The following SEC24D variants were observed in gnomAD, a reference collection of about 807,000 sequenced individuals.
SEC24D encodes SEC24 homolog D, COPII component.
A neutral mutation model predicts 116.9 loss-of-function variants in SEC24D; 69 were observed. The observed-to-expected ratio is 0.59, with a 90% CI of 0.49 to 0.72. The LOEUF (loss-of-function observed/expected upper bound fraction) is 0.72, where lower values mean the gene tolerates loss of function less well. SEC24D is among the 30% of genes least tolerant of loss of function. The probability of loss-of-function intolerance (pLI) is 0.00; values close to 1 mark genes in which losing one functional copy is unlikely to be tolerated. For missense variants in SEC24D, 1,131 were observed against 1,264.1 expected (o/e 0.89, Z 1.60); for synonymous variants, 405 against 442.8 (o/e 0.91, Z 1.07).
intron 15 of SEC24D, among the ~76,000 whole-genome samples, chr4:118,743,657 G>A (rs2110445352): frequency 6.6e-6 from 1 of 152,194 alleles, no homozygotes; most frequent in African/African-American, 2.4e-5. Flanking sequence ...GGGCCACTGT[G>A]CCCTGCCTAT....
intron 11 of SEC24D, among the ~76,000 whole-genome samples, chr4:118,753,401 T>C (rs1012736303): frequency 6.6e-6 from 1 of 152,044 alleles, no homozygotes; most frequent in Admixed American, 6.6e-5. Context: ...CAACAGAAAA[T>C]AGGCTAGATT....
intron 10 of SEC24D, among the ~76,000 whole-genome samples, chr4:118,763,430 G>A (rs950486580): frequency 1.3e-4 from 20 of 152,254 alleles, no homozygotes; most frequent in South Asian, 6.2e-4. Flanking sequence ...ATGACTGCTC[G>A]CCTTGCAAAC....
intron 3 of SEC24D, among the ~76,000 whole-genome samples, chr4:118,823,296 T>C (rs114768988): frequency 0.044 from 6,656 of 152,268 alleles, 201 homozygotes; most frequent in Non-Finnish European, 0.064. Context: ...GCAAATGTCA[T>C]GTTATCATGA....
intron 3 of SEC24D, among the ~76,000 whole-genome samples, chr4:118,823,242 C>T (rs1366415867): frequency 6.6e-6 from 1 of 152,188 alleles, no homozygotes; most frequent in East Asian, 1.9e-4. Flanking sequence ...CACAATCACG[C>T]TTAATGACCT....
chr4:118,822,047 T>A (rs576523403), intron 3 of SEC24D, among the ~76,000 whole-genome samples: 1 of 152,262 alleles, frequency 6.6e-6, no homozygotes, highest in East Asian at 1.9e-4. Context: ...CTGTCATGAG[T>A]AACTAGATTG....
intron 10 of SEC24D, among the ~76,000 whole-genome samples, chr4:118,763,425 T>A (rs1335486871): frequency 6.6e-6 from 1 of 152,204 alleles, no homozygotes; most frequent in African/African-American, 2.4e-5. Flanking sequence ...AATACATGAC[T>A]GCTCGCCTTG....
Position 118,792,321 on chromosome 4 carries a change from G to T in SEC24D, c.1041+5362C>A, listed in dbSNP as rs565602687. ...TGCCCCGTCCGGGAGGTGGGGGGGCGCCTCTGCCCGGCCACCCTGTCTAGG... is the reference window on the plus strand; with the variant it reads ...TGCCCCGTCCGGGAGGTGGGGGGGCTCCTCTGCCCGGCCACCCTGTCTAGG... On this transcript the variant is annotated intron_variant, in intron 8 of 22. Coordinates refer to ENST00000280551, the MANE Select transcript of SEC24D (RefSeq NM_014822.4). Among the ~76,000 whole-genome samples, 19 of 150,184 alleles carry T rather than the reference G, an allele frequency of 1.3e-4. No individual in the cohort carries two copies. In the South Asian group the frequency reaches 4.0e-3, roughly 32 times the overall value.
chr4:118,832,172 T>G (rs1477630786), intron 2 of SEC24D, among the ~76,000 whole-genome samples: 3 of 151,768 alleles, frequency 2.0e-5, no homozygotes, highest in African/African-American at 7.3e-5. Flanking sequence ...GAGGCGGAGG[T>G]TGCAGTGAGC....
chr4:118,825,559 T>C (rs1323150109), intron 2 of SEC24D: 2 of 456,114 alleles, frequency 4.4e-6, no homozygotes, highest in Non-Finnish European at 8.8e-6. Context: ...CCCCACTGGT[T>C]ACTTATTAGT....
chr4:118,791,940 C>G (rs951162512), intron 8 of SEC24D, among the ~76,000 whole-genome samples: 1 of 152,046 alleles, frequency 6.6e-6, no homozygotes, highest in Non-Finnish European at 1.5e-5. Context: ...TCTGCCCGAC[C>G]GCCACCCCGT....
chr4:118,812,991 G>A (rs1400442063), intron 6 of SEC24D, among the ~76,000 whole-genome samples: 8 of 152,158 alleles, frequency 5.3e-5, no homozygotes, highest in Non-Finnish European at 1.0e-4. Context: ...CACTGAAGAA[G>A]CGAGCCACAC....
intron 12 of SEC24D, 141 bp downstream of exon 12, chr4:118,752,556 A>C: frequency 1.7e-6 from 1 of 604,330 alleles, no homozygotes; most frequent in Non-Finnish European, 2.8e-6. Flanking sequence ...GACTGACTTA[A>C]CATAAATGAT....
chr4:118,833,821 G>T (rs1730978611), intron 1 of SEC24D, 84 bp from the exon 2 acceptor site: 3 of 631,826 alleles, frequency 4.7e-6, no homozygotes, highest in Non-Finnish European at 8.3e-6. Context: ...GTTATTACAT[G>T]TTTATGATGG....
At chr4:118,767,278 A>G (rs1407559133) in intron 9 of SEC24D, among the ~76,000 whole-genome samples, 2 of 152,228 alleles carry the variant, frequency 1.3e-5, no homozygotes, top group Non-Finnish European at 2.9e-5. Flanking sequence ...CCAAGATGCC[A>G]TGAATGTAAT....
chr4:118,820,673 C>T (rs115437723), intron 3 of SEC24D, among the ~76,000 whole-genome samples: 6,537 of 146,364 alleles, frequency 0.045, 195 homozygotes, highest in Non-Finnish European at 0.065. Flanking sequence ...TTTTTTTTTT[C>T]GCTATAAATA....
chr4:118,822,745 AT>A (rs201472862), intron 3 of SEC24D, among the ~76,000 whole-genome samples: 2 of 149,938 alleles, frequency 1.3e-5, no homozygotes, highest in East Asian at 2.0e-4. Context: ...CTAATTTTCT[AT>A]TTTTTTTTGT....
chr4:118,782,145 T>A (rs1257744034), intron 8 of SEC24D, among the ~76,000 whole-genome samples: 1 of 152,234 alleles, frequency 6.6e-6, no homozygotes, highest in African/African-American at 2.4e-5. Flanking sequence ...GGAGCTGCAA[T>A]CCTTTGAAGG....
intron 15 of SEC24D, among the ~76,000 whole-genome samples, chr4:118,742,419 A>G (rs1726272176): frequency 6.6e-6 from 1 of 152,208 alleles, no homozygotes; most frequent in African/African-American, 2.4e-5. Flanking sequence ...TAACTGGAAA[A>G]GGAGCTAAAA....
intron 2 of SEC24D, among the ~76,000 whole-genome samples, chr4:118,826,176 C>T (rs1052682775): frequency 2.6e-5 from 4 of 151,840 alleles, no homozygotes; most frequent in Non-Finnish European, 5.9e-5. Context: ...AAATATTATC[C>T]TTATAGCACT....
Sources: gnomAD v4.1 joint callset for allele counts (sites outside exome capture counted in the v4.1 genomes callset) on GRCh38, gnomAD v4.1.1 for gene constraint, MANE v1.5 for transcripts, NCBI Gene and HGNC (gene_info 2026-07-23, HGNC 2026-07-21) for gene names.